Variants in HS6ST1 observed in about 807,000 individuals in gnomAD.
HS6ST1 encodes the protein heparan-sulfate 6-O-sulfotransferase 1.
Under a neutral mutation model 25.2 loss-of-function variants are expected in HS6ST1, and 3 were observed. That is an observed-to-expected ratio of 0.12 (90% CI 0.05 to 0.31). HS6ST1 has a LOEUF of 0.31. Among genes scored for constraint, HS6ST1 ranks in the 10% least tolerant of loss-of-function variants. HS6ST1 has a pLI of 1.00. For missense variants in HS6ST1, 310 were observed against 609.6 expected (o/e 0.51, Z 5.18); for synonymous variants, 204 against 275.1 (o/e 0.74, Z 2.56).
intron 1 of HS6ST1, among the ~76,000 whole-genome samples, chr2:128,305,951 C>A (rs531919077): frequency 1.3e-5 from 2 of 152,158 alleles, no homozygotes; most frequent in Admixed American, 6.5e-5. Flanking sequence ...CTGGCTCCCC[C>A]ACTCTGGGGA....
intron 1 of HS6ST1, among the ~76,000 whole-genome samples, chr2:128,278,700 C>G (rs916316367): frequency 2.0e-5 from 3 of 152,208 alleles, no homozygotes; most frequent in Non-Finnish European, 4.4e-5. Context: ...AAGGGTCTAT[C>G]CCCCTCCAAT....
chr2:128,305,949 C>T (rs1694201528), intron 1 of HS6ST1, among the ~76,000 whole-genome samples: 1 of 152,236 alleles, frequency 6.6e-6, no homozygotes, highest in Admixed American at 6.5e-5. Flanking sequence ...GCCTGGCTCC[C>T]CCACTCTGGG....
intron 1 of HS6ST1, among the ~76,000 whole-genome samples, chr2:128,287,055 T>C (rs1693875192): frequency 6.6e-6 from 1 of 152,184 alleles, no homozygotes; most frequent in Non-Finnish European, 1.5e-5. Context: ...CCCCCTGACC[T>C]GCATGATCTC....
At chr2:128,303,035 A>C (rs559593976) in intron 1 of HS6ST1, among the ~76,000 whole-genome samples, 4 of 152,174 alleles carry the variant, frequency 2.6e-5, no homozygotes, top group African/African-American at 9.6e-5. Flanking sequence ...CTGGTCCCCC[A>C]CAGTCTAAAC....
intron 1 of HS6ST1, among the ~76,000 whole-genome samples, chr2:128,299,242 C>A (rs1694086412): frequency 6.6e-6 from 1 of 152,262 alleles, no homozygotes; most frequent in African/African-American, 2.4e-5. Context: ...CGCACCCCAA[C>A]AGCATGGGAG....
intron 1 of HS6ST1, among the ~76,000 whole-genome samples, chr2:128,311,840 G>T (rs1299674912): frequency 6.6e-6 from 1 of 152,152 alleles, no homozygotes; most frequent in Admixed American, 6.5e-5. Context: ...TGGCATCGGT[G>T]GTGCAGGACC....
chr2:128,308,665 C>T (rs1217967172), intron 1 of HS6ST1, among the ~76,000 whole-genome samples: 3 of 152,202 alleles, frequency 2.0e-5, no homozygotes, highest in Non-Finnish European at 4.4e-5. Context: ...CAGGAAGGCA[C>T]TGGGTGGTCC....
intron 1 of HS6ST1, among the ~76,000 whole-genome samples, chr2:128,285,035 C>T (rs951004569): frequency 1.3e-5 from 2 of 152,194 alleles, no homozygotes; most frequent in African/African-American, 4.8e-5. Flanking sequence ...CCCTGTGCTG[C>T]GACCCGACCT....
intron 1 of HS6ST1, among the ~76,000 whole-genome samples, chr2:128,292,907 T>A (rs2104925549): frequency 6.6e-6 from 1 of 152,060 alleles, no homozygotes; most frequent in Non-Finnish European, 1.5e-5. Flanking sequence ...AAGGCAGCGG[T>A]CGGGGAGAGC....
At chr2:128,305,582 C>G (rs1202326757) in intron 1 of HS6ST1, among the ~76,000 whole-genome samples, 1 of 152,216 alleles carries the variant, frequency 6.6e-6, no homozygotes, top group Non-Finnish European at 1.5e-5. Flanking sequence ...GGCTGAGGCC[C>G]TTGTTCTCCA....
intron 1 of HS6ST1, among the ~76,000 whole-genome samples, chr2:128,303,521 A>G (rs1017989880): frequency 1.2e-4 from 18 of 152,242 alleles, no homozygotes; most frequent in African/African-American, 4.3e-4. Flanking sequence ...CCCTGAGCTT[A>G]AAGTCCCACC....
intron 1 of HS6ST1, among the ~76,000 whole-genome samples, chr2:128,281,860 C>T (rs754023129): frequency 7.2e-5 from 11 of 152,222 alleles, no homozygotes; most frequent in Non-Finnish European, 4.4e-5. Flanking sequence ...ACCCAGTCAC[C>T]CCATAGGCAT....
In HS6ST1 at chr2:128,268,319, T is replaced by C. The variant is rs1397021676; in HGVS notation, c.1079A>G (p.Gln360Arg). The part of the protein sequence containing the change: ...YAKDLFQQRY[Q>R]YKRQLERREQ... ...CCTGCGCTCCAGCTGCCGCTTGTAC[T>C]GGTAGCGCTGCTGGAAGAGGTCCTT... Residue 360 changes from glutamine to arginine, a missense_variant, in exon 2 of 2, where the codon CAG becomes CGG. Gln to Arg is a conservative substitution (Grantham distance 43). Transcript: ENST00000259241. 6.2e-7 allele frequency: 1 copy of C among 1,613,366 alleles called. No individual in the cohort carries two copies. The highest frequency in any genetic ancestry group is 2.2e-5 in the East Asian group (1 of 44,882).
chr2:128,318,030 C>T lies in HS6ST1; in HGVS notation c.527+7G>A, dbSNP rs897464226. 2.7e-6 allele frequency: 4 copies of T among 1,487,638 alleles called. No individual in the cohort carries two copies. The highest frequency in any genetic ancestry group is 4.8e-5 in the Admixed American group (2 of 41,924). The allele number at this position is 1,487,638 out of a possible 1,614,324, so 92.2% of individuals were successfully genotyped here. ...CTGCGCGAGGATCCCGCCGCCCGGG[C>T]GCTCACCTGGGCGTGCGCAGCGCGG... On this transcript the variant is annotated splice_region_variant and intron_variant, in intron 1 of 1. Transcript: ENST00000259241. The surrounding 1 kb of genome is among the most constrained non-coding windows in gnomAD (Gnocchi z 5.7).
chr2:128,306,180 C>T lies in HS6ST1; in HGVS notation c.527+11857G>A, dbSNP rs1694204805. Reference sequence around the variant, plus strand: ...CTGCTCCCAGACTGCACCCTCGGGACAGGAATGCCCTCCTTTGTGCCTCCG... The same window carrying T: ...CTGCTCCCAGACTGCACCCTCGGGATAGGAATGCCCTCCTTTGTGCCTCCG... On this transcript the variant is annotated intron_variant, in intron 1 of 1. Transcript: ENST00000259241. Among the ~76,000 whole-genome samples the T allele has an allele frequency of 2.6e-5, 4 of 152,332 alleles. No homozygotes were observed. The South Asian group carries it at 8.3e-4, about 32-fold the overall frequency.
chr2:128,308,895 T>C (rs973935464), intron 1 of HS6ST1, among the ~76,000 whole-genome samples: 1 of 152,202 alleles, frequency 6.6e-6, no homozygotes. Context: ...GGAGGTCTCT[T>C]CCCTGTCTCC....
chr2:128,268,044 C>T lies in HS6ST1; in HGVS notation c.*118G>A, dbSNP rs1693549270. 1.4e-6 allele frequency: 1 copy of T among 731,768 alleles called. No individual in the cohort carries two copies. The highest frequency in any genetic ancestry group is 2.3e-6 in the Non-Finnish European group (1 of 434,770). The allele number at this position is 731,768 out of a possible 1,614,324, so 45.3% of individuals were successfully genotyped here. On this transcript the variant is annotated 3_prime_UTR_variant, in exon 2 of 2. Transcript: ENST00000259241. ...TGCTCTGTTTTTTTTCAGGACGCAG[C>T]TACCTCTGTGGAGCAGGTTTGGGAT...
At chr2:128,288,191 C>T (rs4143782) in intron 1 of HS6ST1, among the ~76,000 whole-genome samples, 30,011 of 152,110 alleles carry the variant, frequency 0.2, 4,262 homozygotes, top group East Asian at 0.76. Flanking sequence ...GAGGCTATTG[C>T]GAGGACTCAC....
At chr2:128,275,439 G>A (rs1478264412) in intron 1 of HS6ST1, among the ~76,000 whole-genome samples, 1 of 152,186 alleles carries the variant, frequency 6.6e-6, no homozygotes, top group East Asian at 1.9e-4. Context: ...AACACCGGAA[G>A]TATACTGAGA....
Sources: allele counts gnomAD v4.1 joint callset (sites outside exome capture counted in the v4.1 genomes callset), GRCh38; gene constraint gnomAD v4.1.1; non-coding constraint Gnocchi (gnomAD v3.1); transcripts MANE v1.5; gene names NCBI Gene and HGNC (gene_info 2026-07-23, HGNC 2026-07-21).